The following MORN5 variants were observed in gnomAD, a reference collection of about 807,000 sequenced individuals.
MORN5 encodes the protein MORN repeat-containing protein 5.
MORN5 carries 21 observed loss-of-function variants against 22.1 expected under a neutral mutation model. The ratio of observed to expected loss-of-function variants is 0.95; its 90% confidence interval spans 0.67 to 1.37. The LOEUF is 1.37. MORN5 is among the 40% of genes most tolerant of loss of function. MORN5 has a pLI of 0.00. For synonymous variants in MORN5, 73 were observed against 74.0 expected (o/e 0.99, Z 0.07); for missense variants, 211 against 215.1 (o/e 0.98, Z 0.12).
intron 4 of MORN5, among the ~76,000 whole-genome samples, chr9:122,193,805 T>C (rs773339989): frequency 1.3e-5 from 2 of 152,218 alleles, no homozygotes; most frequent in Non-Finnish European, 2.9e-5. Flanking sequence ...ACAGAGGCAC[T>C]GGCGAGCATG....
intron 4 of MORN5, among the ~76,000 whole-genome samples, chr9:122,193,350 G>A (rs1829815006): frequency 1.3e-5 from 2 of 152,254 alleles, no homozygotes; most frequent in Non-Finnish European, 2.9e-5. Context: ...ACTGTGGGAA[G>A]CCAAGGCGGG....
rs142628368 is a variant in MORN5 at position 122,173,927 on chromosome 9, A to C, written c.308-569A>C. Among the ~76,000 whole-genome samples the C allele has an allele frequency of 7.8e-4, 119 of 152,368 alleles. 1 individual carries two copies. The South Asian group carries it at 0.018, about 23-fold the overall frequency. On this transcript the variant is annotated intron_variant, in intron 3 of 4. Coordinates refer to ENST00000373764, the MANE Select transcript of MORN5 (RefSeq NM_198469.4). ...TCAGGATTAAATAAAAGAGGAGCAC[A>C]ATGCCTGGCACATAATAAACATTCA...
intron 1 of MORN5, among the ~76,000 whole-genome samples, chr9:122,162,833 A>G (rs970119666): frequency 2.0e-5 from 3 of 152,210 alleles, no homozygotes; most frequent in African/African-American, 7.2e-5. Context: ...GGGCAGGGGC[A>G]AGGAGGAAGT....
At chr9:122,167,421 C>A (rs560491262) in intron 2 of MORN5, among the ~76,000 whole-genome samples, 1 of 137,358 alleles carries the variant, frequency 7.3e-6, no homozygotes. Context: ...GGTGTGATCT[C>A]AGCTCACCAC....
chr9:122,174,428 C>A lies in MORN5; in HGVS notation c.308-68C>A, dbSNP rs569850247. 3.1e-4 allele frequency: 484 copies of A among 1,569,630 alleles called. 14 individuals carry two copies. In the South Asian group the frequency reaches 5.2e-3, roughly 17 times the overall value. On this transcript the variant is annotated intron_variant, in intron 3 of 4. Coordinates refer to ENST00000373764, the MANE Select transcript of MORN5 (RefSeq NM_198469.4). Reference sequence around the variant, plus strand: ...ACATGAGCCACCAGCCACAAGTGGACCTTATGGGAACACTGGGTTTGGATT... The same window carrying A: ...ACATGAGCCACCAGCCACAAGTGGAACTTATGGGAACACTGGGTTTGGATT...
At chr9:122,168,247 G>A (rs1829316074) in intron 2 of MORN5, among the ~76,000 whole-genome samples, 1 of 152,160 alleles carries the variant, frequency 6.6e-6, no homozygotes, top group Non-Finnish European at 1.5e-5. Context: ...CTCAATAAAT[G>A]TTAGCTCTTA....
intron 4 of MORN5, among the ~76,000 whole-genome samples, chr9:122,191,678 G>A (rs1254411052): frequency 6.6e-6 from 1 of 152,266 alleles, no homozygotes; most frequent in East Asian, 1.9e-4. Flanking sequence ...GGTGTGCGCA[G>A]CCCAAAGGCG....
intron 1 of MORN5, among the ~76,000 whole-genome samples, chr9:122,160,520 C>A (rs1157075775): frequency 6.6e-6 from 1 of 151,980 alleles, no homozygotes; most frequent in East Asian, 1.9e-4. Context: ...AAAAACAATT[C>A]AACAGTTTTT....
At chr9:122,198,144 C>G (rs117034755) in intron 4 of MORN5, among the ~76,000 whole-genome samples, 2 of 152,196 alleles carry the variant, frequency 1.3e-5, no homozygotes, top group Admixed American at 1.3e-4. Context: ...TCTCCCCTAC[C>G]TGACTGGGCT....
At chr9:122,186,345 A>C (rs2118775379) in intron 4 of MORN5, among the ~76,000 whole-genome samples, 1 of 152,332 alleles carries the variant, frequency 6.6e-6, no homozygotes, top group East Asian at 1.9e-4. Context: ...CTGACACCAG[A>C]GGCCATGCTC....
chr9:122,174,525 C>G lies in MORN5; in HGVS notation c.337C>G (p.Pro113Ala). The G allele has an allele frequency of 6.2e-7, 1 of 1,614,116 alleles. No homozygotes were observed. Among genetic ancestry groups the G allele is most frequent in the Middle Eastern group, 1.6e-4 (1 of 6,062 alleles). ...GMAQLTNMDP[P>A]RKIPKGYYDC... Reference sequence around the variant, plus strand: ...GGCTCAACTCACCAATATGGACCCACCTAGAAAAATCCCCAAGGGCTATTA... The same window carrying G: ...GGCTCAACTCACCAATATGGACCCAGCTAGAAAAATCCCCAAGGGCTATTA... Residue 113 changes from proline to alanine, a missense_variant, in exon 4 of 5, where the codon CCT becomes GCT. Coordinates refer to ENST00000373764, the MANE Select transcript of MORN5 (RefSeq NM_198469.4).
At chr9:122,174,387 G>A (rs575030725) in intron 3 of MORN5, 109 bp from the exon 4 acceptor site, 5 of 1,297,390 alleles carry the variant, frequency 3.9e-6, no homozygotes, top group Non-Finnish European at 5.4e-6. Context: ...TAGTTCAACA[G>A]GGGAGCCAGA....
intron 4 of MORN5, among the ~76,000 whole-genome samples, chr9:122,191,615 T>C (rs886403824): frequency 2.6e-5 from 4 of 152,106 alleles, no homozygotes; most frequent in African/African-American, 9.7e-5. Context: ...CTACTCCCCA[T>C]ACCAGCCCCC....
At chr9:122,186,238 T>C (rs1268064186) in intron 4 of MORN5, among the ~76,000 whole-genome samples, 4 of 152,172 alleles carry the variant, frequency 2.6e-5, no homozygotes, top group Non-Finnish European at 4.4e-5. Context: ...ATTATTCGTA[T>C]TTGGCAGATG....
chr9:122,167,614 T>C (rs1468192041), intron 2 of MORN5, among the ~76,000 whole-genome samples: 1 of 152,140 alleles, frequency 6.6e-6, no homozygotes, highest in Non-Finnish European at 1.5e-5. Flanking sequence ...TTGCATCTGT[T>C]ACACCACTTA....
intron 3 of MORN5, 118 bp downstream of exon 3, chr9:122,169,874 C>T (rs2118748159): frequency 6.7e-6 from 5 of 743,810 alleles, no homozygotes; most frequent in South Asian, 6.6e-5. Context: ...ACTGAGCAGG[C>T]GTAGAAGAAT....
intron 1 of MORN5, among the ~76,000 whole-genome samples, chr9:122,163,211 G>A (rs993915818): frequency 1.3e-5 from 2 of 152,216 alleles, no homozygotes; most frequent in Admixed American, 1.3e-4. Context: ...TAGCATTTAT[G>A]TAGTAACTAC....
At chr9:122,177,799 T>C (rs548560687) in intron 4 of MORN5, among the ~76,000 whole-genome samples, 1 of 152,362 alleles carries the variant, frequency 6.6e-6, no homozygotes, top group Non-Finnish European at 1.5e-5. Flanking sequence ...CTTCTACAGA[T>C]ATTAAGTCTT....
chr9:122,175,698 G>A, intron 4 of MORN5: 1 of 985,326 alleles, frequency 1.0e-6, no homozygotes, highest in Non-Finnish European at 1.2e-6. Flanking sequence ...GCTCTATAAT[G>A]AGAAAGAAAC....
Sources: gnomAD v4.1 joint callset for allele counts (sites outside exome capture counted in the v4.1 genomes callset) on GRCh38, gnomAD v4.1.1 for gene constraint, MANE v1.5 for transcripts, NCBI Gene and HGNC (gene_info 2026-07-23, HGNC 2026-07-21) for gene names.